RABL2B: variants seen among roughly 807,000 people sequenced by gnomAD.
RABL2B encodes rab-like protein 2B.
Under a neutral mutation model 26.7 loss-of-function variants are expected in RABL2B, and 17 were observed. The observed-to-expected ratio is 0.64, with a 90% CI of 0.44 to 0.95. The LOEUF is 0.95. Ranked by LOEUF, RABL2B falls within the 40% of genes least tolerant of loss-of-function variation. The pLI is 0.00. For missense variants in RABL2B, 170 were observed against 277.2 expected, an observed-to-expected ratio of 0.61 and a Z score of 2.75; for synonymous variants, 70 against 103.9, an observed-to-expected ratio of 0.67 and a Z score of 1.99.
intron 4 of RABL2B, among the ~76,000 whole-genome samples, chr22:50,776,329 G>T (rs1555923998): frequency 6.6e-6 from 1 of 152,240 alleles, no homozygotes; most frequent in African/African-American, 2.4e-5. Flanking sequence ...AACTGGCTGA[G>T]TAACAACCCC....
chr22:50,776,243 A>G (rs1266377888), intron 4 of RABL2B, among the ~76,000 whole-genome samples: 1 of 152,224 alleles, frequency 6.6e-6, no homozygotes, highest in East Asian at 1.9e-4. Flanking sequence ...GTGCCCGGCC[A>G]AGGAGAAGAT....
At chr22:50,775,139 G>A (rs1358019491) in intron 5 of RABL2B, among the ~76,000 whole-genome samples, 1 of 152,178 alleles carries the variant, frequency 6.6e-6, no homozygotes, top group Admixed American at 6.5e-5. Flanking sequence ...ATTTAAAAGT[G>A]GTGGCCTGAG....
chr22:50,776,698 G>A lies in RABL2B; in HGVS notation c.189C>T (p.Ala63=), dbSNP rs1555924438. The A allele has an allele frequency of 2.5e-6, 4 of 1,611,798 alleles. No homozygotes were observed. The highest frequency in any genetic ancestry group is 1.7e-5 in the Admixed American group (1 of 59,814). Residue 63 remains alanine, a synonymous_variant, in exon 4 of 9, where the codon GCC becomes GCT. Coordinates refer to ENST00000691320, the MANE Select transcript of RABL2B (RefSeq NM_001130919.3). ...CAAGGATGGTCCTTCCATCTACCGT[G>A]GCTGTGTGCTTGTACAGGGTCAGGG... ...TYALTLYKHT[A]TVDGRTILVD...
intron 2 of RABL2B, among the ~76,000 whole-genome samples, chr22:50,781,835 AC>A (rs1367906813): frequency 7.1e-6 from 1 of 141,262 alleles, no homozygotes; most frequent in Non-Finnish European, 1.6e-5. Context: ...CATCTTTACC[AC>A]CTTTACCCAA....
chr22:50,778,779 T>C (rs1555926343), intron 2 of RABL2B, among the ~76,000 whole-genome samples: 1 of 146,876 alleles, frequency 6.8e-6, no homozygotes. Context: ...AGGCCTTCCC[T>C]GACCACTCTC....
intron 5 of RABL2B, among the ~76,000 whole-genome samples, chr22:50,773,338 T>C (rs1209911176): frequency 2.0e-5 from 3 of 152,192 alleles, no homozygotes; most frequent in African/African-American, 7.2e-5. Context: ...TCGGGGGAAT[T>C]AGGTGATGAG....
At chr22:50,775,977 C>G (rs2084923726) in intron 4 of RABL2B, 126 bp from the exon 5 acceptor site, 4 of 949,302 alleles carry the variant, frequency 4.2e-6, no homozygotes, top group East Asian at 2.6e-5. Context: ...CAGGGAGAAA[C>G]AGAGACTATA....
Position 50,775,827 on chromosome 22 carries a change from T to G in RABL2B, c.242A>C (p.Glu81Ala). ...LVDFWDTAGQ[E>A]RFQSMHASYY... ...GGAGGCATGCATGCTCTGGAACCGC[T>G]CCTGGCCTGCCGTGTCCCAAAAGTC... Residue 81 changes from glutamate to alanine, a missense_variant, in exon 5 of 9, where the codon GAG becomes GCG. Coordinates refer to ENST00000691320, the MANE Select transcript of RABL2B (RefSeq NM_001130919.3). 6.2e-7 allele frequency: 1 copy of G among 1,614,194 alleles called. No individual in the cohort carries two copies. The highest frequency in any genetic ancestry group is 1.1e-5 in the South Asian group (1 of 91,086).
intron 5 of RABL2B, chr22:50,772,620 G>A (rs1188655153): frequency 2.0e-6 from 2 of 1,018,044 alleles, no homozygotes; most frequent in African/African-American, 3.4e-5. Flanking sequence ...CGCCCTGTGT[G>A]GTGGCGGGAG....
At chr22:50,769,734 G>C (rs2083860358) in intron 6 of RABL2B, 171 bp downstream of exon 6, 1 of 918,586 alleles carries the variant, frequency 1.1e-6, no homozygotes, top group Non-Finnish European at 1.6e-6. Flanking sequence ...GGTCGGCTTA[G>C]CTGGCTTCTT....
At chr22:50,778,729 G>A (rs1308482211) in intron 2 of RABL2B, among the ~76,000 whole-genome samples, 1 of 141,422 alleles carries the variant, frequency 7.1e-6, no homozygotes, top group Non-Finnish European at 1.5e-5. Flanking sequence ...CTTACTCCTT[G>A]CTTTTTTCAA....
chr22:50,773,589 C>A lies in RABL2B; in HGVS notation c.297+2183G>T, dbSNP rs542864451. Among the ~76,000 whole-genome samples, 4 of 151,458 alleles carry A rather than the reference C, an allele frequency of 2.6e-5. No homozygotes were observed. In the South Asian group the frequency reaches 8.3e-4, roughly 32 times the overall value. ...TAATGACAAACATCAGAGGAGGCTG[C>A]ACGGAGGTGGTGGCATTGAAGCAGG... On this transcript the variant is annotated intron_variant, in intron 5 of 8. Coordinates refer to ENST00000691320, the MANE Select transcript of RABL2B (RefSeq NM_001130919.3).
chr22:50,775,964 G>A, intron 4 of RABL2B, 113 bp from the exon 5 acceptor site: 2 of 1,009,956 alleles, frequency 2.0e-6, no homozygotes, highest in Non-Finnish European at 1.6e-6. Context: ...TACATGGGGA[G>A]CACAGGGAGA....
Position 50,775,800 on chromosome 22 carries a change from T to G in RABL2B, c.269A>C (p.Tyr90Ser), listed in dbSNP as rs1366837436. The G allele has an allele frequency of 6.2e-7, 1 of 1,614,056 alleles. No homozygotes were observed. The highest frequency in any genetic ancestry group is 8.5e-7 in the Non-Finnish European group (1 of 1,180,032). Residue 90 changes from tyrosine (Y) to serine (S), a missense_variant, in exon 5 of 9, where the codon TAC (tyrosine) becomes TCC (serine). Transcript: ENST00000691320. ...QERFQSMHAS[Y>S]YHKAHACIMV... is the part of the protein sequence containing the mutation. ...GATGCAGGCGTGGGCCTTGTGGTAGTAGGAGGCATGCATGCTCTGGAACCG... is the reference window on the plus strand; with the variant it reads ...GATGCAGGCGTGGGCCTTGTGGTAGGAGGAGGCATGCATGCTCTGGAACCG...
chr22:50,772,590 C>G, intron 5 of RABL2B: 1 of 1,000,010 alleles, frequency 1.0e-6, no homozygotes, highest in Non-Finnish European at 1.2e-6. Flanking sequence ...CAACACGGTT[C>G]AAGCTCAGGG....
rs1375449886 is a variant in RABL2B, at chr22:50,778,086, C to T, written c.108-105G>A. The T allele has an allele frequency of 2.1e-5, 32 of 1,488,586 alleles. No individual in the cohort carries two copies. The African/African-American group carries it at 2.5e-4, about 12-fold the overall frequency. The allele number at this position is 1,488,586 out of a possible 1,614,324, so 92.2% of individuals were successfully genotyped here. A position where few individuals can be genotyped will look rare whatever the true frequency, so the allele number is the denominator to read the frequency against. ...AACCTGGAAGCCACCTGTGGCTTCC[C>T]TTCCCCCTTTCACTCCACAGCCACA... is the stretch of plus-strand genomic sequence containing the variant. On this transcript the variant is annotated intron_variant, in intron 2 of 8. Transcript: ENST00000691320.
At position 50,769,707 on chromosome 22, in the gene RABL2B, G is replaced by C. The variant is rs575044733; in HGVS notation, c.410-155C>G. 6.2e-4 allele frequency: 804 copies of C among 1,297,350 alleles called. 16 individuals carry two copies. The South Asian group carries it at 0.011, about 18-fold the overall frequency. The allele number at this position is 1,297,350 out of a possible 1,614,324, so 80.4% of individuals were successfully genotyped here. On this transcript the variant is annotated intron_variant, in intron 6 of 8. Transcript: ENST00000691320. Reference sequence around the variant, plus strand: ...AAGAGCTCAGTTAATAGGGATCTGTGTCTTGGAAAGAGGGCAGGTCGGCTT... The same window carrying C: ...AAGAGCTCAGTTAATAGGGATCTGTCTCTTGGAAAGAGGGCAGGTCGGCTT...
rs1308717158 is a variant in RABL2B, at chr22:50,770,264, C to G, written c.298-248G>C. The G allele has an allele frequency of 6.7e-5, 33 of 491,694 alleles. No individual in the cohort carries two copies. The Middle Eastern group carries it at 1.9e-3, about 28-fold the overall frequency. 30.5% of individuals were successfully genotyped at this position (491,694 alleles called of 1,614,324 possible). On this transcript the variant is annotated intron_variant, in intron 5 of 8. Transcript: ENST00000691320. Reference sequence around the variant, plus strand: ...AGTGCAGTGGCTCACACCTGTAATCCCAGCACTTTGGGAGGTTGAGGTGGG... The same window carrying G: ...AGTGCAGTGGCTCACACCTGTAATCGCAGCACTTTGGGAGGTTGAGGTGGG...
intron 2 of RABL2B, among the ~76,000 whole-genome samples, chr22:50,780,983 C>T (rs1238438451): frequency 6.6e-6 from 1 of 152,136 alleles, no homozygotes; most frequent in African/African-American, 2.4e-5. Flanking sequence ...TCCCAAACTA[C>T]AACACCTACC....
Sources: gnomAD v4.1 joint callset for allele counts (sites outside exome capture counted in the v4.1 genomes callset) on GRCh38, gnomAD v4.1.1 for gene constraint, MANE v1.5 for transcripts, NCBI Gene and HGNC (gene_info 2026-07-23, HGNC 2026-07-21) for gene names.